The following CALD1 variants were observed in gnomAD, a reference collection of about 807,000 sequenced individuals.
The protein encoded by CALD1 is caldesmon 1.
A neutral mutation model predicts 99.9 loss-of-function variants in CALD1; 33 were observed. The ratio of observed to expected loss-of-function variants is 0.33; its 90% CI spans 0.25 to 0.44. The LOEUF (loss-of-function observed/expected upper bound fraction) is 0.44. Among genes scored for constraint, CALD1 ranks in the 20% least tolerant of loss-of-function variants. The probability of loss-of-function intolerance (pLI) is 1.00; values close to 1 mark genes in which losing one functional copy is unlikely to be tolerated. For missense variants in CALD1, 861 were observed against 962.1 expected (o/e 0.89, Z 1.39); for synonymous variants, 310 against 325.0 (o/e 0.95, Z 0.50).
At chr7:134,782,499 T>C (rs1039820634) in intron 1 of CALD1, among the ~76,000 whole-genome samples, 1 of 152,240 alleles carries the variant, frequency 6.6e-6, no homozygotes, top group African/African-American at 2.4e-5. Flanking sequence ...GAGAAACTTT[T>C]GGCACAGGCT....
chr7:134,836,177 A>G (rs1799432247), intron 1 of CALD1, among the ~76,000 whole-genome samples: 1 of 149,966 alleles, frequency 6.7e-6, no homozygotes, highest in Non-Finnish European at 1.5e-5. Context: ...GATAAATGAT[A>G]TGACTCTTAC....
At chr7:134,924,318 T>G (rs191333960) in intron 3 of CALD1, among the ~76,000 whole-genome samples, 5 of 152,216 alleles carry the variant, frequency 3.3e-5, no homozygotes, top group African/African-American at 1.2e-4. Flanking sequence ...TTAAAAAAAA[T>G]TTATGTGTGC....
At chr7:134,937,290 G>GC (rs1400104670) in intron 6 of CALD1, among the ~76,000 whole-genome samples, 2 of 152,054 alleles carry the variant, frequency 1.3e-5, no homozygotes, top group Non-Finnish European at 2.9e-5. Flanking sequence ...TTCAGATAAG[G>GC]CCCCAGTTCA....
chr7:134,869,106 GAA>G (rs1800943298), intron 3 of CALD1, among the ~76,000 whole-genome samples: 1 of 152,086 alleles, frequency 6.6e-6, no homozygotes, highest in South Asian at 2.1e-4. Context: ...CCAAGAGAAG[GAA>G]AGGTAGTCAT....
intron 11 of CALD1, among the ~76,000 whole-genome samples, chr7:134,958,872 AATATAT>A (rs58837080): frequency 0.076 from 9,506 of 124,586 alleles, 388 homozygotes; most frequent in Non-Finnish European, 0.087. Context: ...CTGGTATTTA[AATATAT>A]ATATATATAT....
intron 3 of CALD1, among the ~76,000 whole-genome samples, chr7:134,878,218 G>A (rs1801438168): frequency 6.6e-6 from 1 of 152,168 alleles, no homozygotes; most frequent in African/African-American, 2.4e-5. Flanking sequence ...AGACTCTCAG[G>A]TAAAGGTGTC....
intron 1 of CALD1, among the ~76,000 whole-genome samples, chr7:134,813,690 A>G (rs1173929383): frequency 6.6e-6 from 1 of 152,194 alleles, no homozygotes; most frequent in Non-Finnish European, 1.5e-5. Context: ...GGAGACTTCA[A>G]GGCAACAGAG....
intron 3 of CALD1, among the ~76,000 whole-genome samples, chr7:134,889,168 T>C (rs1411681894): frequency 6.6e-6 from 1 of 152,200 alleles, no homozygotes; most frequent in African/African-American, 2.4e-5. Context: ...TACAGTTCTA[T>C]AGGTTAGATG....
chr7:134,850,565 G>A (rs1214229498), intron 2 of CALD1, among the ~76,000 whole-genome samples: 3 of 152,136 alleles, frequency 2.0e-5, no homozygotes, highest in East Asian at 1.9e-4. Context: ...CATAGTAAGT[G>A]CTACATAACT....
In CALD1 at chr7:134,933,894, A is replaced by G. The variant is rs1023689150; in HGVS notation, c.1125A>G (p.Ala375=). 2 of 1,613,802 alleles carry G rather than the reference A, an allele frequency of 1.2e-6. No homozygotes were observed. The highest frequency in any genetic ancestry group is 1.7e-6 in the Non-Finnish European group (2 of 1,179,860). ...CAGAGGAGAGGCAAAGGGCCAGGGC[A>G]GAGGAGGAAGAGAAGGCTAAGGTAG... The part of the protein sequence containing the change: ...RAAEERQRAR[A]EEEEKAKVEE... Residue 375 remains alanine, a synonymous_variant, in exon 5 of 15, where the codon GCA becomes GCG. Transcript: ENST00000361675.
chr7:134,746,402 G>A (rs978973521), intron 1 of CALD1, among the ~76,000 whole-genome samples: 1 of 152,160 alleles, frequency 6.6e-6, no homozygotes, highest in Non-Finnish European at 1.5e-5. Flanking sequence ...CATTTTTGTT[G>A]TTTATAAGCC....
chr7:134,765,774 C>T (rs948750570), intron 1 of CALD1, among the ~76,000 whole-genome samples: 1 of 152,006 alleles, frequency 6.6e-6, no homozygotes, highest in Non-Finnish European at 1.5e-5. Flanking sequence ...GTGATTGGAT[C>T]GTGGTGATGG....
the CALD1 span, among the ~76,000 whole-genome samples, chr7:134,733,916 C>T: frequency 4.6e-5 from 7 of 150,580 alleles, no homozygotes; most frequent in Non-Finnish European, 8.9e-5. Context: ...TAATATATAA[C>T]CTTCAGTTTG....
intron 3 of CALD1, among the ~76,000 whole-genome samples, chr7:134,897,810 G>A (rs1053892826): frequency 2.0e-5 from 3 of 151,958 alleles, no homozygotes; most frequent in East Asian, 1.9e-4. Flanking sequence ...GGGCTTAAGC[G>A]ATCCTCCTGC....
chr7:134,794,359 G>A (rs182539687), intron 1 of CALD1, among the ~76,000 whole-genome samples: 74 of 152,264 alleles, frequency 4.9e-4, no homozygotes, highest in African/African-American at 1.3e-3. Flanking sequence ...CATATGACCC[G>A]AAAGACAAAA....
chr7:134,840,862 C>T (rs914748704), intron 1 of CALD1, among the ~76,000 whole-genome samples: 4 of 151,992 alleles, frequency 2.6e-5, no homozygotes, highest in East Asian at 1.9e-4. Context: ...TCAAATACCT[C>T]GCAAATAGTA....
chr7:134,753,036 A>C lies in CALD1; in HGVS notation c.-130+8673A>C, dbSNP rs1048069436. 1.1e-4 allele frequency among the ~76,000 whole-genome samples: 17 copies of C among 150,828 alleles called. 1 individual carries two copies. Among genetic ancestry groups the C allele is most frequent in the African/African-American group, 1.7e-4 (7 of 41,124 alleles). ...AAAAAAAAAAAACAAAAAAAAACAA[A>C]AAAAAAAAACACTTTTCACACTTTT... On this transcript the variant is annotated intron_variant, in intron 1 of 13. Coordinates refer to the CALD1 transcript ENST00000417172.
rs1586200492 is a variant in CALD1, at chr7:134,885,919, T to C, written c.71+18115T>C. ...ACCAGCCACCATTCATTCAAGAAAT[T>C]GTTAGAGCCCTGCTATTTCCAAGCA... is the stretch of plus-strand genomic sequence containing the variant. On this transcript the variant is annotated intron_variant, in intron 3 of 14. Coordinates refer to ENST00000361675, the MANE Select transcript of CALD1 (RefSeq NM_033138.4). Among the ~76,000 whole-genome samples, 4 of 151,886 alleles carry C rather than the reference T, an allele frequency of 2.6e-5. No homozygotes were observed. In the South Asian group the frequency reaches 8.3e-4, roughly 32 times the overall value.
At chr7:134,794,474 T>C (rs1045607028) in intron 1 of CALD1, among the ~76,000 whole-genome samples, 1 of 152,210 alleles carries the variant, frequency 6.6e-6, no homozygotes, top group Non-Finnish European at 1.5e-5. Context: ...TAGCAATGGC[T>C]GCCATAGGTT....
Sources: allele counts gnomAD v4.1 joint callset (sites outside exome capture counted in the v4.1 genomes callset), GRCh38; gene constraint gnomAD v4.1.1; transcripts MANE v1.5; gene names NCBI Gene and HGNC (gene_info 2026-07-23, HGNC 2026-07-21).